Variants in ARHGAP40 observed in about 807,000 individuals in gnomAD.
The protein encoded by ARHGAP40 is Rho GTPase activating protein 40.
A neutral mutation model predicts 73.5 loss-of-function variants in ARHGAP40; 43 were observed. The ratio of observed to expected loss-of-function variants is 0.58; its 90% confidence interval spans 0.46 to 0.75. ARHGAP40 has a LOEUF of 0.75. ARHGAP40 is among the 30% of genes least tolerant of loss of function. ARHGAP40 has a pLI of 0.00. For missense variants in ARHGAP40, 734 were observed against 861.8 expected (o/e 0.85, Z 1.86); for synonymous variants, 300 against 352.8 (o/e 0.85, Z 1.68).
intron 1 of ARHGAP40, among the ~76,000 whole-genome samples, chr20:38,605,712 T>C (rs144559424): frequency 3.9e-5 from 6 of 152,334 alleles, no homozygotes; most frequent in African/African-American, 1.4e-4. Context: ...TCCTATAGGA[T>C]TTTGTGCTTC....
intron 1 of ARHGAP40, among the ~76,000 whole-genome samples, chr20:38,610,894 T>TC (rs397717434): frequency 6.7e-6 from 1 of 148,278 alleles, no homozygotes; most frequent in Non-Finnish European, 1.5e-5. Flanking sequence ...TTTTTTTTTT[T>TC]CTTTTTTTTT....
intron 1 of ARHGAP40, among the ~76,000 whole-genome samples, chr20:38,602,472 T>A (rs2088741096): frequency 6.6e-6 from 1 of 152,206 alleles, no homozygotes; most frequent in Non-Finnish European, 1.5e-5. Context: ...TGGGTCAGTG[T>A]GGCCGTGTGG....
At chr20:38,619,351 C>A (rs558731783) in intron 1 of ARHGAP40, among the ~76,000 whole-genome samples, 1 of 151,982 alleles carries the variant, frequency 6.6e-6, no homozygotes. Context: ...GGGAAGACTG[C>A]GATGAGGCTG....
chr20:38,650,303 T>C (rs220520), exon 15 of ARHGAP40: 307,601 of 469,326 alleles, frequency 0.66, 103,028 homozygotes, highest in African/African-American at 0.89. Flanking sequence ...AAAAATGCAG[T>C]ACCTTTATCA....
chr20:38,635,934 C>T (rs924761135), intron 6 of ARHGAP40, among the ~76,000 whole-genome samples: 1 of 152,136 alleles, frequency 6.6e-6, no homozygotes, highest in Admixed American at 6.6e-5. Flanking sequence ...AAGTTGTTGG[C>T]TGAGTGTAGG....
At chr20:38,610,179 G>T (rs1484028090) in intron 1 of ARHGAP40, among the ~76,000 whole-genome samples, 2 of 152,072 alleles carry the variant, frequency 1.3e-5, no homozygotes, top group East Asian at 3.9e-4. Context: ...ATCTCTGTGT[G>T]TGTGTGTGGT....
chr20:38,625,605 G>A (rs1369552480), intron 2 of ARHGAP40, among the ~76,000 whole-genome samples: 2 of 152,146 alleles, frequency 1.3e-5, no homozygotes, highest in African/African-American at 4.8e-5. Flanking sequence ...TTTTAGTAGA[G>A]ATGGGGTTTC....
At position 38,638,851 on chromosome 20, in the gene ARHGAP40, C is replaced by T. The variant is rs1488903296; in HGVS notation, c.1119+13C>T. 7.7e-7 allele frequency: 1 copy of T among 1,305,090 alleles called. No homozygotes were observed. The highest frequency in any genetic ancestry group is 2.3e-5 in the Admixed American group (1 of 43,580). 80.8% of individuals were successfully genotyped at this position (1,305,090 alleles called of 1,614,324 possible). The stretch of plus-strand genomic sequence containing the variant: ...GGCCAGGGTCAAGGTAATGGTTTGG[C>T]TTCCTGGCTTCACTGAGGCTGCATC... On this transcript the variant is annotated intron_variant, in intron 8 of 14. Transcript: ENST00000373345.
intron 6 of ARHGAP40, among the ~76,000 whole-genome samples, chr20:38,635,380 T>C (rs1282396523): frequency 6.6e-6 from 1 of 152,200 alleles, no homozygotes; most frequent in African/African-American, 2.4e-5. Flanking sequence ...TATATAATTA[T>C]GGTTTGGGAG....
chr20:38,603,455 A>ATCTATCTG (rs922899942), intron 1 of ARHGAP40, among the ~76,000 whole-genome samples: 4 of 126,770 alleles, frequency 3.2e-5, no homozygotes, highest in East Asian at 4.6e-4. Context: ...CTATCTATCT[A>ATCTATCTG]TCTATCTATT....
chr20:38,642,842 A>G (rs1198082771), intron 10 of ARHGAP40, among the ~76,000 whole-genome samples: 1 of 152,168 alleles, frequency 6.6e-6, no homozygotes, highest in African/African-American at 2.4e-5. Flanking sequence ...AACACATGCA[A>G]TAATAAGAGC....
rs1360371281 is a variant in ARHGAP40, at chr20:38,613,189, G to A, written c.138-10170G>A. On this transcript the variant is annotated intron_variant, in intron 1 of 14. Coordinates refer to ENST00000373345, the Ensembl canonical transcript of ARHGAP40. Reference sequence around the variant, plus strand: ...ATTGTGTGTGTTGGGGACGTGGTGGGGGGATGCAGTTTGCTATCTCAGATG... The same window carrying A: ...ATTGTGTGTGTTGGGGACGTGGTGGAGGGATGCAGTTTGCTATCTCAGATG... 2.0e-5 allele frequency among the ~76,000 whole-genome samples: 3 copies of A among 152,136 alleles called. No homozygotes were observed. In the South Asian group the frequency reaches 6.2e-4, roughly 32 times the overall value.
At chr20:38,639,177 T>C in intron 8 of ARHGAP40, 50 bp from the exon 9 acceptor site, 1 of 1,295,682 alleles carries the variant, frequency 7.7e-7, no homozygotes, top group Non-Finnish European at 1.0e-6. Flanking sequence ...TAGAGCGACT[T>C]CTACCAGAGC....
chr20:38,643,884 G>A (rs2089035346), exon 11 of ARHGAP40: 1 of 1,304,614 alleles, frequency 7.7e-7, no homozygotes, highest in South Asian at 1.2e-5. Flanking sequence ...GCAGATAATG[G>A]TGCACTACCA....
chr20:38,647,803 A>T (rs1003294365), intron 13 of ARHGAP40, among the ~76,000 whole-genome samples: 1 of 151,836 alleles, frequency 6.6e-6, no homozygotes, highest in Non-Finnish European at 1.5e-5. Context: ...GATAGTCACG[A>T]ATCAAAGATC....
intron 7 of ARHGAP40, among the ~76,000 whole-genome samples, chr20:38,638,187 C>T (rs2088990048): frequency 6.6e-6 from 1 of 150,516 alleles, no homozygotes; most frequent in Non-Finnish European, 1.5e-5. Flanking sequence ...TAGTGGCGGG[C>T]ACCTGTAGTC....
intron 1 of ARHGAP40, chr20:38,615,012 A>G (rs1601135474): frequency 1.7e-6 from 2 of 1,170,338 alleles, no homozygotes; most frequent in Non-Finnish European, 1.3e-6. Context: ...GCTGGGGTTG[A>G]TCTCCATCAA....
At chr20:38,648,498 G>T in intron 13 of ARHGAP40, 145 bp from the exon 14 acceptor site, 1 of 539,560 alleles carries the variant, frequency 1.9e-6, no homozygotes, top group Non-Finnish European at 2.9e-6. Context: ...CTCTCAGGAG[G>T]GTCCTTATGC....
intron 3 of ARHGAP40, 100 bp from the exon 4 acceptor site, chr20:38,628,827 T>C (rs2088918988): frequency 2.4e-6 from 2 of 830,414 alleles, no homozygotes; most frequent in Non-Finnish European, 3.4e-6. Context: ...AGTGGCTCCA[T>C]CTGTGAAAAG....
Sources: gnomAD v4.1 joint callset for allele counts (sites outside exome capture counted in the v4.1 genomes callset) on GRCh38, gnomAD v4.1.1 for gene constraint, MANE v1.5 for transcripts, NCBI Gene and HGNC (gene_info 2026-07-23, HGNC 2026-07-21) for gene names.